PTPRA: variants seen among roughly 807,000 people sequenced by gnomAD.
The protein encoded by PTPRA is protein tyrosine phosphatase receptor type A, also known as receptor-type tyrosine-protein phosphatase alpha.
A neutral mutation model predicts 104.8 loss-of-function variants in PTPRA; 25 were observed. The observed-to-expected ratio is 0.24, with a 90% CI of 0.17 to 0.33. The LOEUF (loss-of-function observed/expected upper bound fraction) is 0.33, where lower values mean the gene tolerates loss of function less well. Among genes scored for constraint, PTPRA ranks in the 10% least tolerant of loss-of-function variants. PTPRA has a pLI of 1.00. For synonymous variants in PTPRA, 323 were observed against 368.9 expected (o/e 0.88, Z 1.43); for missense variants, 765 against 1,015.3 (o/e 0.75, Z 3.35).
At chr20:2,954,095 T>C (rs2061449848) in intron 3 of PTPRA, among the ~76,000 whole-genome samples, 1 of 149,566 alleles carries the variant, frequency 6.7e-6, no homozygotes, top group Admixed American at 6.7e-5. Flanking sequence ...TTTTTTTTTT[T>C]TTTGAGAGTT....
At chr20:3,033,872 C>T (rs576038458) in intron 20 of PTPRA, among the ~76,000 whole-genome samples, 9 of 139,362 alleles carry the variant, frequency 6.5e-5, no homozygotes, top group African/African-American at 2.4e-4. Flanking sequence ...TGCACTCCAG[C>T]GTGGGCAATA....
chr20:2,906,336 C>G (rs769484836), intron 1 of PTPRA, among the ~76,000 whole-genome samples: 29 of 152,090 alleles, frequency 1.9e-4, no homozygotes, highest in Non-Finnish European at 3.8e-4. Flanking sequence ...AAGTTTTTAC[C>G]AATCCCAGAA....
chr20:2,967,038 C>G (rs1213617403), intron 5 of PTPRA, among the ~76,000 whole-genome samples: 1 of 152,210 alleles, frequency 6.6e-6, no homozygotes, highest in Non-Finnish European at 1.5e-5. Context: ...TTTCATTTAA[C>G]AGTTCTGTGA....
chr20:3,007,529 C>T, intron 11 of PTPRA, 109 bp downstream of exon 11: 1 of 1,237,106 alleles, frequency 8.1e-7, no homozygotes, highest in South Asian at 1.4e-5. Flanking sequence ...TCATGTTTTC[C>T]CTGACAAGTC....
chr20:2,927,034 G>A (rs1488640372), intron 2 of PTPRA, among the ~76,000 whole-genome samples: 6 of 151,392 alleles, frequency 4.0e-5, no homozygotes, highest in Admixed American at 3.3e-4. Flanking sequence ...CAAGTGATCC[G>A]CCCGCCTCGG....
upstream of PTPRA, among the ~76,000 whole-genome samples, chr20:2,871,173 T>A (rs2089423010): frequency 6.6e-6 from 1 of 152,052 alleles, no homozygotes; most frequent in South Asian, 2.1e-4. Flanking sequence ...ACCCCACAAA[T>A]GCTTTGACCA....
chr20:2,982,949 C>T (rs2062748621), intron 6 of PTPRA, among the ~76,000 whole-genome samples: 1 of 152,130 alleles, frequency 6.6e-6, no homozygotes, highest in East Asian at 1.9e-4. Flanking sequence ...CTGCCCACCT[C>T]GGCTTCCCAA....
intron 20 of PTPRA, among the ~76,000 whole-genome samples, chr20:3,028,183 CG>C (rs200013759): frequency 2.0e-3 from 294 of 149,926 alleles, no homozygotes; most frequent in Non-Finnish European, 1.4e-3. Flanking sequence ...GTGCCCCAGG[CG>C]GGGGGGGCAC....
intron 9 of PTPRA, among the ~76,000 whole-genome samples, chr20:3,000,820 T>A (rs1208209523): frequency 6.6e-6 from 1 of 152,276 alleles, no homozygotes; most frequent in East Asian, 1.9e-4. Context: ...AATAATACAT[T>A]GTTTTGGATG....
rs2061905976 is a variant in PTPRA at position 2,965,340 on chromosome 20, A to T, written c.415+138A>T. The T allele has an allele frequency of 7.0e-6, 6 of 862,084 alleles. No individual in the cohort carries two copies. In the East Asian group the frequency reaches 1.6e-4, roughly 23 times the overall value. 53.4% of individuals were successfully genotyped at this position (862,084 alleles called of 1,614,324 possible). On this transcript the variant is annotated intron_variant, in intron 5 of 23. Transcript: ENST00000399903. ...GTGAAGTAATGAAACCTGTATGTGG[A>T]ATTTTTGGGTTAGCATGAGTGAAGA...
chr20:3,031,319 T>C (rs1246299077), intron 20 of PTPRA, among the ~76,000 whole-genome samples: 1 of 151,666 alleles, frequency 6.6e-6, no homozygotes, highest in Non-Finnish European at 1.5e-5. Context: ...TTTAAGATGC[T>C]ATTATCTAGA....
intron 2 of PTPRA, among the ~76,000 whole-genome samples, chr20:2,933,051 T>C (rs2060565153): frequency 6.6e-6 from 1 of 152,224 alleles, no homozygotes; most frequent in Admixed American, 6.5e-5. Flanking sequence ...AAATGGCACA[T>C]GGCATTATAG....
At chr20:2,968,941 C>T (rs1407694600) in intron 5 of PTPRA, among the ~76,000 whole-genome samples, 1 of 152,040 alleles carries the variant, frequency 6.6e-6, no homozygotes, top group Non-Finnish European at 1.5e-5. Flanking sequence ...GGTGTGGTGG[C>T]TCACTCCTGT....
intron 6 of PTPRA, among the ~76,000 whole-genome samples, chr20:2,985,847 GC>G (rs1396569767): frequency 6.6e-6 from 1 of 152,118 alleles, no homozygotes; most frequent in Non-Finnish European, 1.5e-5. Context: ...CTCCCAAAGT[GC>G]TGGGATAGGC....
rs1377870084 is a variant in PTPRA at position 3,015,840 on chromosome 20, A to G, written c.907-9A>G. ...TCTCTTTCTTTTTCTTTCCTTCCCC[A>G]CACCCCAGGGCTACCAAGAAAAGAA... On this transcript the variant is annotated splice_polypyrimidine_tract_variant and intron_variant, in intron 11 of 23. Coordinates refer to ENST00000399903, the MANE Select transcript of PTPRA (RefSeq NM_001385305.1). 1.3e-6 allele frequency: 2 copies of G among 1,548,462 alleles called. No homozygotes were observed. Among genetic ancestry groups the G allele is most frequent in the African/African-American group, 2.7e-5 (2 of 73,274 alleles).
chr20:2,894,965 C>T (rs961475450), intron 1 of PTPRA, among the ~76,000 whole-genome samples: 7 of 140,812 alleles, frequency 5.0e-5, no homozygotes, highest in Non-Finnish European at 7.6e-5. Flanking sequence ...CCAGCCTGGG[C>T]GACAGAGCGA....
chr20:3,035,554 A>C lies in PTPRA; in HGVS notation c.1921-31A>C, dbSNP rs1342517916. Reference sequence around the variant, plus strand: ...CTGCTTCTACACATGTGGTACTCTGAGCTCCTCACCTCTCCAACCTGTCTC... The same window carrying C: ...CTGCTTCTACACATGTGGTACTCTGCGCTCCTCACCTCTCCAACCTGTCTC... On this transcript the variant is annotated intron_variant, in intron 20 of 23. Transcript: ENST00000399903. This position sits in a 1 kb window ranked among gnomAD's most constrained non-coding sequence, Gnocchi z 5.8. 1 of 1,594,364 alleles carries C rather than the reference A, an allele frequency of 6.3e-7. No individual in the cohort carries two copies. Among genetic ancestry groups the C allele is most frequent in the Admixed American group, 1.7e-5 (1 of 59,830 alleles).
At chr20:3,014,184 A>G (rs2064321088) in intron 11 of PTPRA, among the ~76,000 whole-genome samples, 3 of 152,242 alleles carry the variant, frequency 2.0e-5, no homozygotes, top group Admixed American at 6.5e-5. Flanking sequence ...CCATTCTCTA[A>G]TAAATAAAAA....
chr20:2,945,582 GGTGTGTGTGTGTGTGT>G (rs3842441), intron 2 of PTPRA, among the ~76,000 whole-genome samples: 1 of 148,152 alleles, frequency 6.7e-6, no homozygotes, highest in East Asian at 2.0e-4. Flanking sequence ...ATAATTGGCA[GGTGTGTGTGTGTGTGT>G]GTGTGTGTGT....
Sources: gnomAD v4.1 joint callset for allele counts (sites outside exome capture counted in the v4.1 genomes callset) on GRCh38, gnomAD v4.1.1 for gene constraint, Gnocchi (gnomAD v3.1) non-coding constraint, MANE v1.5 for transcripts, NCBI Gene and HGNC (gene_info 2026-07-23, HGNC 2026-07-21) for gene names.